The following DCHS2 variants were observed in gnomAD, a reference collection of about 807,000 sequenced individuals.
DCHS2 encodes the protein protocadherin-23.
Under a neutral mutation model 182.4 loss-of-function variants are expected in DCHS2, and 142 were observed. The observed-to-expected ratio is 0.78, with a 90% CI of 0.68 to 0.89. The LOEUF is 0.89. DCHS2 is among the 40% of genes least tolerant of loss of function. The probability of loss-of-function intolerance (pLI) is 0.00; values close to 1 mark genes in which losing one functional copy is unlikely to be tolerated. For synonymous variants in DCHS2, 1,740 were observed against 1,663.3 expected (o/e 1.05, Z -1.12); for missense variants, 4,319 against 4,198.6 (o/e 1.03, Z -0.79).
chr4:154,436,361 A>G (rs1379385450), intron 1 of DCHS2, among the ~76,000 whole-genome samples: 1 of 152,088 alleles, frequency 6.6e-6, no homozygotes, highest in Non-Finnish European at 1.5e-5. Context: ...ACTTTTTTCC[A>G]TCATGATTGC....
At position 154,235,191 on chromosome 4, in the gene DCHS2, G is replaced by A; in HGVS notation, c.9461C>T (p.Thr3154Ile). 1 of 1,614,038 alleles carries A rather than the reference G, an allele frequency of 6.2e-7. No homozygotes were observed. The highest frequency in any genetic ancestry group is 8.5e-7 in the Non-Finnish European group (1 of 1,179,958). ...CLSGETDVMVTAETAEASQTF... is the reference protein window; with the variant it reads ...CLSGETDVMVIAETAEASQTF... ...TTGGCTGGCTTCTGCTGTTTCGGCA[G>A]TCACCATCACATCAGTTTCCCCAGA... The change falls in exon 20 of 20, where the codon ACT becomes ATT. Residue 3154 changes from threonine to isoleucine, a missense_variant. By Grantham distance (89) the Thr-to-Ile change is moderately conservative. Coordinates refer to ENST00000357232, the MANE Select transcript of DCHS2 (RefSeq NM_001358235.2).
At chr4:154,368,708 C>T (rs538915650) in intron 2 of DCHS2, among the ~76,000 whole-genome samples, 69 of 151,998 alleles carry the variant, frequency 4.5e-4, no homozygotes, top group Non-Finnish European at 6.8e-4. Flanking sequence ...TAGAGATGGT[C>T]GACTGGTCTC....
rs1728777998 is a variant in DCHS2, at chr4:154,490,485, C to T, written c.871G>A (p.Asp291Asn). 6.5e-7 allele frequency: 1 copy of T among 1,536,696 alleles called. No homozygotes were observed. The highest frequency in any genetic ancestry group is 8.7e-7 in the Non-Finnish European group (1 of 1,146,448). ...TCCTGCTCAAAGACCGGCGGGTTGT[C>T]GTTCTCATCCAGCACGCGCAGCTCC... ...SVELRVLDEN[D>N]NPPVFEQDEY... Residue 291 changes from aspartate to asparagine, a missense_variant, in exon 1 of 20, where the codon GAC becomes AAC. By Grantham distance (23) the Asp-to-Asn change is conservative (BLOSUM62 1). Transcript: ENST00000357232.
At chr4:154,318,619 T>C (rs1735943418) in intron 9 of DCHS2, among the ~76,000 whole-genome samples, 2 of 151,728 alleles carry the variant, frequency 1.3e-5, no homozygotes, top group South Asian at 4.2e-4. Flanking sequence ...CAAAAAGGAA[T>C]AAAAGAAAAC....
chr4:154,393,726 G>A (rs1392437305), intron 1 of DCHS2, among the ~76,000 whole-genome samples: 1 of 151,982 alleles, frequency 6.6e-6, no homozygotes, highest in East Asian at 1.9e-4. Context: ...ACATGCTCTT[G>A]TCCATGATCC....
intron 1 of DCHS2, among the ~76,000 whole-genome samples, chr4:154,409,099 C>G (rs543216077): frequency 1.3e-5 from 2 of 152,144 alleles, no homozygotes; most frequent in African/African-American, 4.8e-5. Flanking sequence ...CTAGAGAAAC[C>G]GAGCATTGGC....
intron 2 of DCHS2, among the ~76,000 whole-genome samples, chr4:154,370,056 G>C (rs115417965): frequency 0.039 from 5,967 of 152,064 alleles, 153 homozygotes; most frequent in Middle Eastern, 0.061. Context: ...TGTGAGCTGT[G>C]GTTTCATTCC....
intron 3 of DCHS2, among the ~76,000 whole-genome samples, chr4:154,362,698 T>C (rs545987244): frequency 8.5e-5 from 13 of 152,246 alleles, no homozygotes; most frequent in Admixed American, 7.2e-4. Flanking sequence ...TTCCTCCGTC[T>C]CTACCACCTC....
intron 13 of DCHS2, 122 bp from the exon 14 acceptor site, chr4:154,270,135 A>G (rs202055460): frequency 4.0e-6 from 5 of 1,235,396 alleles, no homozygotes; most frequent in Non-Finnish European, 4.4e-6. Context: ...TGATTCAACA[A>G]TAACTTATTG....
intron 16 of DCHS2, among the ~76,000 whole-genome samples, chr4:154,249,308 A>G (rs1449017205): frequency 6.6e-6 from 1 of 152,198 alleles, no homozygotes. Flanking sequence ...AAAGACACAG[A>G]AGCAGCCAAC....
intron 5 of DCHS2, 42 bp downstream of exon 5, chr4:154,332,436 A>T (rs1736575168): frequency 6.7e-7 from 1 of 1,501,592 alleles, no homozygotes; most frequent in African/African-American, 1.4e-5. Context: ...ATAGTACTGA[A>T]CCCTCATTTT....
chr4:154,335,186 G>A (rs12642957), intron 3 of DCHS2, 82 bp from the exon 4 acceptor site: 2 of 915,678 alleles, frequency 2.2e-6, no homozygotes, highest in African/African-American at 3.3e-5. Context: ...GGTCTATTAA[G>A]TGTATTGTGA....
chr4:154,314,511 A>C (rs1294127743), intron 10 of DCHS2, among the ~76,000 whole-genome samples: 3 of 152,208 alleles, frequency 2.0e-5, no homozygotes, highest in African/African-American at 7.2e-5. Context: ...CCTTGAAAAG[A>C]GTGTTAGTAA....
Position 154,489,562 on chromosome 4 carries a change from G to T in DCHS2, c.1794C>A (p.His598Gln). 1 of 1,551,316 alleles carries T rather than the reference G, an allele frequency of 6.4e-7. No individual in the cohort carries two copies. The change falls in exon 1 of 20, where the codon CAC (histidine) becomes CAA (glutamine). Residue 598 changes from histidine (H) to glutamine (Q), a missense_variant. Coordinates refer to ENST00000357232, the MANE Select transcript of DCHS2 (RefSeq NM_001358235.2). ...NLGSLQSKMV[H>Q]TAECGPSFAI... ...CAAAAGATGGTCCACACTCTGCGGT[G>T]TGGACCATCTTTGATTGCAGGGAGC... is the stretch of plus-strand genomic sequence containing the variant.
At chr4:154,361,968 T>G (rs1730145278) in intron 3 of DCHS2, among the ~76,000 whole-genome samples, 1 of 152,166 alleles carries the variant, frequency 6.6e-6, no homozygotes, top group African/African-American at 2.4e-5. Context: ...TGAACCAGTG[T>G]GCAAATGAAA....
At chr4:154,471,150 A>G (rs1207344697) in intron 1 of DCHS2, among the ~76,000 whole-genome samples, 1 of 152,160 alleles carries the variant, frequency 6.6e-6, no homozygotes, top group Non-Finnish European at 1.5e-5. Context: ...ATGTGGGTTC[A>G]GGACAAACTG....
At chr4:154,412,876 CAGTGACAT>C (rs1350863717) in intron 1 of DCHS2, among the ~76,000 whole-genome samples, 3 of 152,178 alleles carry the variant, frequency 2.0e-5, no homozygotes, top group Non-Finnish European at 4.4e-5. Context: ...TTGTTCGACA[CAGTGACAT>C]ACTGCTTACT....
intron 1 of DCHS2, among the ~76,000 whole-genome samples, chr4:154,479,171 A>T (rs4696585): frequency 6.6e-6 from 1 of 151,910 alleles, no homozygotes; most frequent in Non-Finnish European, 1.5e-5. Context: ...AGTGAAAAAT[A>T]TAATAAATTA....
At chr4:154,267,034 G>C (rs1431529532) in intron 14 of DCHS2, among the ~76,000 whole-genome samples, 1 of 152,084 alleles carries the variant, frequency 6.6e-6, no homozygotes, top group East Asian at 1.9e-4. Context: ...TCAATCCCCA[G>C]GAAGCCATTA....
Sources: gnomAD v4.1 joint callset for allele counts (sites outside exome capture counted in the v4.1 genomes callset) on GRCh38, gnomAD v4.1.1 for gene constraint, MANE v1.5 for transcripts, NCBI Gene and HGNC (gene_info 2026-07-23, HGNC 2026-07-21) for gene names.